SHC3: variants seen among roughly 807,000 people sequenced by gnomAD.
SHC3 encodes SHC adaptor protein 3.
A neutral mutation model predicts 60.4 loss-of-function variants in SHC3; 15 were observed. That is an observed-to-expected ratio of 0.25 (90% CI 0.17 to 0.38). SHC3 has a LOEUF of 0.38. Ranked by LOEUF, SHC3 falls within the 10% of genes least tolerant of loss-of-function variation. SHC3 has a pLI of 1.00. For missense variants in SHC3, 677 were observed against 786.1 expected, an observed-to-expected ratio of 0.86 and a Z score of 1.66; for synonymous variants, 294 against 325.9, an observed-to-expected ratio of 0.90 and a Z score of 1.05.
In SHC3 at chr9:89,009,476, G is replaced by T. The variant is rs1395705108; in HGVS notation, c.*3971C>A. ...CACACAAAGTTGGGCCAGCGAGAGA[G>T]AACCAATGGGCACGCTGGGAATGCA... is the stretch of plus-strand genomic sequence containing the variant. On this transcript the variant is annotated 3_prime_UTR_variant, in exon 12 of 12. Coordinates refer to ENST00000375835, the MANE Select transcript of SHC3 (RefSeq NM_016848.6). The T allele has an allele frequency of 2.0e-5, 3 of 152,230 alleles. No individual in the cohort carries two copies. Among genetic ancestry groups the T allele is most frequent in the African/African-American group, 7.2e-5 (3 of 41,450 alleles). The allele number at this position is 152,230 out of a possible 1,614,324, so 9.4% of individuals were successfully genotyped here.
At chr9:89,114,656 A>T (rs1270530023) in intron 1 of SHC3, among the ~76,000 whole-genome samples, 1 of 152,130 alleles carries the variant, frequency 6.6e-6, no homozygotes, top group East Asian at 1.9e-4. Flanking sequence ...TGTGGATGCT[A>T]GGTGATGAGT....
At chr9:89,019,732 T>C (rs1826166744) in intron 11 of SHC3, among the ~76,000 whole-genome samples, 1 of 151,954 alleles carries the variant, frequency 6.6e-6, no homozygotes, top group Non-Finnish European at 1.5e-5. Context: ...ACTACAAAAG[T>C]CCAATAAAAG....
chr9:89,158,668 T>C (rs139656467), intron 1 of SHC3, among the ~76,000 whole-genome samples: 1 of 152,364 alleles, frequency 6.6e-6, no homozygotes, highest in African/African-American at 2.4e-5. Context: ...TAATTGTGGA[T>C]ATATACATGC....
At chr9:89,139,985 T>C (rs1826369879) in intron 1 of SHC3, among the ~76,000 whole-genome samples, 1 of 152,254 alleles carries the variant, frequency 6.6e-6, no homozygotes, top group Admixed American at 6.5e-5. Flanking sequence ...CTGAGTAATT[T>C]AGACCAAATG....
intron 2 of SHC3, among the ~76,000 whole-genome samples, chr9:89,088,162 AC>A (rs1184397148): frequency 6.6e-6 from 1 of 152,118 alleles, no homozygotes; most frequent in Non-Finnish European, 1.5e-5. Context: ...TCATCTACAT[AC>A]TAAGAACCTT....
intron 2 of SHC3, among the ~76,000 whole-genome samples, chr9:89,105,836 G>T (rs533901486): frequency 6.6e-6 from 1 of 152,230 alleles, no homozygotes; most frequent in African/African-American, 2.4e-5. Context: ...TCAGTTTGTT[G>T]CATCAAACCA....
At chr9:89,121,296 T>C (rs897695493) in intron 1 of SHC3, among the ~76,000 whole-genome samples, 1 of 152,138 alleles carries the variant, frequency 6.6e-6, no homozygotes, top group African/African-American at 2.4e-5. Flanking sequence ...TTTCTATTTT[T>C]TTTTTTTTCT....
In SHC3 at chr9:89,006,579, T is replaced by G. The variant is rs1825943962; in HGVS notation, c.*6868A>C. 3 of 152,264 alleles carry G rather than the reference T, an allele frequency of 2.0e-5. No individual in the cohort carries two copies. Among genetic ancestry groups the G allele is most frequent in the Admixed American group, 2.0e-4 (3 of 15,288 alleles). The allele number at this position is 152,264 out of a possible 1,614,324, so 9.4% of individuals were successfully genotyped here. ...GAAACAAAACAACTTTCAGATAATA[T>G]TCATTTGTCAGTATGTATAATTTGC... On this transcript the variant is annotated 3_prime_UTR_variant, in exon 12 of 12. Coordinates refer to ENST00000375835, the MANE Select transcript of SHC3 (RefSeq NM_016848.6).
chr9:89,095,045 G>C (rs536064013), intron 2 of SHC3, among the ~76,000 whole-genome samples: 35 of 152,296 alleles, frequency 2.3e-4, no homozygotes, highest in African/African-American at 8.2e-4. Context: ...AGCCACTGTG[G>C]AAAACGGCAT....
intron 11 of SHC3, among the ~76,000 whole-genome samples, chr9:89,030,604 A>G (rs1343155504): frequency 1.3e-5 from 2 of 152,244 alleles, no homozygotes; most frequent in Non-Finnish European, 2.9e-5. Flanking sequence ...GGGTCACTCC[A>G]TAAGGAAGAT....
intron 1 of SHC3, among the ~76,000 whole-genome samples, chr9:89,114,140 C>A (rs898110940): frequency 6.6e-6 from 1 of 152,040 alleles, no homozygotes; most frequent in African/African-American, 2.4e-5. Flanking sequence ...TGTGGGAATA[C>A]GGGAATACCA....
intron 1 of SHC3, among the ~76,000 whole-genome samples, chr9:89,114,693 G>A (rs1211908704): frequency 6.6e-6 from 1 of 152,002 alleles, no homozygotes; most frequent in Non-Finnish European, 1.5e-5. Context: ...CATGACTAGA[G>A]TCACAGAATT....
At chr9:89,077,627 G>A (rs1361062314) in intron 3 of SHC3, among the ~76,000 whole-genome samples, 1 of 152,240 alleles carries the variant, frequency 6.6e-6, no homozygotes, top group Non-Finnish European at 1.5e-5. Flanking sequence ...CAGTGAATGA[G>A]TAACCAGGGT....
chr9:89,026,449 T>C (rs1247922032), intron 11 of SHC3, among the ~76,000 whole-genome samples: 1 of 151,996 alleles, frequency 6.6e-6, no homozygotes, highest in Non-Finnish European at 1.5e-5. Context: ...AATCAGAAAA[T>C]CTTTGAATCC....
At chr9:89,055,639 C>T (rs1254550884) in intron 6 of SHC3, among the ~76,000 whole-genome samples, 1 of 152,190 alleles carries the variant, frequency 6.6e-6, no homozygotes, top group Non-Finnish European at 1.5e-5. Context: ...GAACCAAATG[C>T]ACCTTCTGTT....
At chr9:89,148,771 A>T (rs995784986) in intron 1 of SHC3, among the ~76,000 whole-genome samples, 30 of 152,346 alleles carry the variant, frequency 2.0e-4, no homozygotes, top group African/African-American at 7.0e-4. Context: ...GCACTCACAT[A>T]GAAGAAGAAA....
At chr9:89,018,410 A>G (rs1001414174) in intron 11 of SHC3, among the ~76,000 whole-genome samples, 1 of 152,182 alleles carries the variant, frequency 6.6e-6, no homozygotes, top group Non-Finnish European at 1.5e-5. Context: ...CAAACACCAC[A>G]TGCCCTCACT....
At chr9:89,157,176 T>G (rs1208071582) in intron 1 of SHC3, among the ~76,000 whole-genome samples, 1 of 152,196 alleles carries the variant, frequency 6.6e-6, no homozygotes, top group African/African-American at 2.4e-5. Flanking sequence ...CCTACTGCAC[T>G]GGGTGAGTGG....
intron 5 of SHC3, among the ~76,000 whole-genome samples, chr9:89,070,059 T>C (rs1164292533): frequency 6.6e-6 from 1 of 152,160 alleles, no homozygotes; most frequent in Non-Finnish European, 1.5e-5. Context: ...CATCTGAAGA[T>C]TGCCTACTCA....
Sources: gnomAD v4.1 joint callset for allele counts (sites outside exome capture counted in the v4.1 genomes callset) on GRCh38, gnomAD v4.1.1 for gene constraint, MANE v1.5 for transcripts, NCBI Gene and HGNC (gene_info 2026-07-23, HGNC 2026-07-21) for gene names.